Variants in PLXDC2 observed in about 807,000 individuals in gnomAD.
PLXDC2 encodes the protein plexin domain containing 2, also known as plexin domain-containing protein 2.
A neutral mutation model predicts 68.9 loss-of-function variants in PLXDC2; 40 were observed. The observed-to-expected ratio is 0.58, with a 90% CI of 0.45 to 0.76. PLXDC2 has a LOEUF of 0.76. Among genes scored for constraint, PLXDC2 ranks in the 30% least tolerant of loss-of-function variants. The pLI, the probability that PLXDC2 is intolerant of heterozygous loss-of-function variation, is 0.00. For synonymous variants in PLXDC2, 243 were observed against 234.2 expected (o/e 1.04, Z -0.34); for missense variants, 644 against 661.9 (o/e 0.97, Z 0.30).
chr10:20,085,028 C>A (rs940513051), intron 4 of PLXDC2, among the ~76,000 whole-genome samples: 11 of 151,982 alleles, frequency 7.2e-5, no homozygotes, highest in South Asian at 4.2e-4. Flanking sequence ...ATGTAAATGG[C>A]ACAACCCTCG....
intron 13 of PLXDC2, among the ~76,000 whole-genome samples, chr10:20,260,789 T>G (rs989547879): frequency 2.6e-5 from 4 of 152,228 alleles, no homozygotes; most frequent in Non-Finnish European, 5.9e-5. Context: ...CCATAACAGC[T>G]GTACCAGTTT....
At chr10:20,192,001 A>G (rs921443449) in intron 9 of PLXDC2, among the ~76,000 whole-genome samples, 6 of 152,026 alleles carry the variant, frequency 3.9e-5, no homozygotes, top group Admixed American at 3.3e-4. Context: ...TCTATTAATT[A>G]TTTGATCTAA....
intron 4 of PLXDC2, among the ~76,000 whole-genome samples, chr10:20,085,016 A>T (rs1019278457): frequency 6.6e-6 from 1 of 151,802 alleles, no homozygotes; most frequent in African/African-American, 2.4e-5. Flanking sequence ...TGCCTTTTTC[A>T]TATGTAAATG....
At chr10:20,068,444 T>G (rs1400354232) in intron 4 of PLXDC2, among the ~76,000 whole-genome samples, 1 of 151,848 alleles carries the variant, frequency 6.6e-6, no homozygotes, top group African/African-American at 2.4e-5. Flanking sequence ...TTATAATAAT[T>G]TTCAACCTAG....
chr10:20,137,914 G>A (rs1423682793), intron 4 of PLXDC2, among the ~76,000 whole-genome samples: 5 of 152,120 alleles, frequency 3.3e-5, no homozygotes, highest in African/African-American at 1.2e-4. Context: ...GGGTGTATGT[G>A]GGAATGTGCC....
chr10:20,140,171 G>A (rs1043532546), intron 4 of PLXDC2, among the ~76,000 whole-genome samples: 1 of 151,934 alleles, frequency 6.6e-6, no homozygotes, highest in Non-Finnish European at 1.5e-5. Context: ...GTGGTGGAGG[G>A]CGCCTGTAGT....
At chr10:20,081,773 G>T (rs1430719456) in intron 4 of PLXDC2, among the ~76,000 whole-genome samples, 2 of 152,096 alleles carry the variant, frequency 1.3e-5, no homozygotes, top group African/African-American at 4.8e-5. Context: ...GGGCACAGTG[G>T]CTCATGCCTG....
Position 19,816,821 on chromosome 10 carries a change from G to A in PLXDC2, c.-259G>A. 1.8e-6 allele frequency: 1 copy of A among 546,466 alleles called. No individual in the cohort carries two copies. 33.9% of individuals were successfully genotyped at this position (546,466 alleles called of 1,614,324 possible). A position where few individuals can be genotyped will look rare whatever the true frequency, so the allele number is the denominator to read the frequency against. ...GTGGCCTCTCCTCCCCGCGGTTGTT[G>A]TTCAGTGTCGGGTGAGGGCTGCGAG... On this transcript the variant is annotated 5_prime_UTR_variant, in exon 1 of 14. Coordinates refer to ENST00000377252, the MANE Select transcript of PLXDC2 (RefSeq NM_032812.9).
intron 9 of PLXDC2, among the ~76,000 whole-genome samples, chr10:20,185,398 C>A (rs1834669096): frequency 6.6e-6 from 1 of 151,788 alleles, no homozygotes; most frequent in Non-Finnish European, 1.5e-5. Context: ...CACCACAGAG[C>A]CTAGCCTTCC....
chr10:20,109,389 C>T (rs1219664777), intron 4 of PLXDC2, among the ~76,000 whole-genome samples: 2 of 152,176 alleles, frequency 1.3e-5, no homozygotes, highest in Non-Finnish European at 2.9e-5. Flanking sequence ...TGTTTCCATA[C>T]AAATTGGTAA....
At chr10:20,257,541 C>T (rs577330793) in intron 13 of PLXDC2, among the ~76,000 whole-genome samples, 1 of 152,152 alleles carries the variant, frequency 6.6e-6, no homozygotes, top group African/African-American at 2.4e-5. Context: ...ATGACCACAG[C>T]CCTTTTATGA....
At chr10:20,014,391 CT>C (rs1835171607) in intron 2 of PLXDC2, among the ~76,000 whole-genome samples, 1 of 20,610 alleles carries the variant, frequency 4.9e-5, no homozygotes, top group Non-Finnish European at 1.3e-4. Context: ...TGCTTCCTTC[CT>C]TCCTTCCTTC....
chr10:19,949,389 T>C (rs1267545113), intron 1 of PLXDC2, among the ~76,000 whole-genome samples: 1 of 152,140 alleles, frequency 6.6e-6, no homozygotes, highest in African/African-American at 2.4e-5. Flanking sequence ...CATGATCATT[T>C]TTCAAGGCTT....
chr10:20,269,272 C>T (rs979865140), intron 13 of PLXDC2, among the ~76,000 whole-genome samples: 23 of 151,824 alleles, frequency 1.5e-4, no homozygotes, highest in African/African-American at 5.3e-4. Flanking sequence ...TTATATTTTC[C>T]AGCTTAGTAT....
At chr10:19,912,753 A>G (rs1564626915) in intron 1 of PLXDC2, among the ~76,000 whole-genome samples, 1 of 152,248 alleles carries the variant, frequency 6.6e-6, no homozygotes, top group East Asian at 1.9e-4. Flanking sequence ...AAAAATTGAT[A>G]AATGACAACA....
chr10:20,044,206 TC>T, intron 2 of PLXDC2, among the ~76,000 whole-genome samples: 1 of 104,068 alleles, frequency 9.6e-6, no homozygotes, highest in South Asian at 3.6e-4. Flanking sequence ...TCTCTCTCTC[TC>T]TCTGTCTTTC....
At chr10:20,232,005 CA>C (rs56360100) in intron 12 of PLXDC2, among the ~76,000 whole-genome samples, 2,264 of 144,774 alleles carry the variant, frequency 0.016, 45 homozygotes, top group African/African-American at 0.051. Context: ...GACCCTATCT[CA>C]AAAAAAAAAA....
At chr10:20,165,840 C>A (rs763052234) in intron 7 of PLXDC2, among the ~76,000 whole-genome samples, 13 of 152,036 alleles carry the variant, frequency 8.6e-5, no homozygotes, top group Non-Finnish European at 1.9e-4. Flanking sequence ...CTGCATTAGC[C>A]ATTCTGACCC....
chr10:19,959,689 T>C (rs947990775), intron 1 of PLXDC2, among the ~76,000 whole-genome samples: 6 of 152,320 alleles, frequency 3.9e-5, no homozygotes, highest in African/African-American at 1.4e-4. Context: ...CTGGGGTCTA[T>C]GTATCACTTA....
Sources: allele counts gnomAD v4.1 joint callset (sites outside exome capture counted in the v4.1 genomes callset), GRCh38; gene constraint gnomAD v4.1.1; transcripts MANE v1.5; gene names NCBI Gene and HGNC (gene_info 2026-07-23, HGNC 2026-07-21).